Variants in PRKCE observed in about 807,000 individuals in gnomAD.
PRKCE encodes protein kinase C epsilon, also known as protein kinase C epsilon type.
A neutral mutation model predicts 85.4 loss-of-function variants in PRKCE; 16 were observed. That is an observed-to-expected ratio of 0.19 (90% CI 0.13 to 0.28). The LOEUF (loss-of-function observed/expected upper bound fraction) is 0.28. PRKCE is among the 10% of genes least tolerant of loss of function. PRKCE has a pLI of 1.00. For synonymous variants in PRKCE, 388 were observed against 371.5 expected (o/e 1.04, Z -0.51); for missense variants, 573 against 975.2 (o/e 0.59, Z 5.49).
At chr2:46,144,584 T>C (rs11690238) in intron 11 of PRKCE, among the ~76,000 whole-genome samples, 17,987 of 152,266 alleles carry the variant, frequency 0.12, 1,341 homozygotes, top group Non-Finnish European at 0.17. Context: ...CCTCACTGCC[T>C]GCACTAGCTG....
intron 1 of PRKCE, among the ~76,000 whole-genome samples, chr2:45,653,387 T>G (rs1251747192): frequency 6.9e-6 from 1 of 144,886 alleles, no homozygotes; most frequent in African/African-American, 2.5e-5. Context: ...TTTTTTTTTT[T>G]TTTTTTTTCT....
chr2:45,776,029 C>A (rs535647599), intron 1 of PRKCE, among the ~76,000 whole-genome samples: 1 of 152,310 alleles, frequency 6.6e-6, no homozygotes, highest in South Asian at 2.1e-4. Context: ...ACCCTGAATA[C>A]TCTACTTAAA....
chr2:45,747,009 A>G (rs1314910635), intron 1 of PRKCE, among the ~76,000 whole-genome samples: 1 of 152,172 alleles, frequency 6.6e-6, no homozygotes, highest in Non-Finnish European at 1.5e-5. Flanking sequence ...TGAACTGATG[A>G]CACGCTTCTC....
At chr2:45,869,708 T>TTTA (rs1693928188) in intron 2 of PRKCE, among the ~76,000 whole-genome samples, 1 of 92,632 alleles carries the variant, frequency 1.1e-5, no homozygotes, top group South Asian at 3.6e-4. Context: ...CTCTCTCTCT[T>TTTA]TTTTTTTTTT....
At chr2:45,805,865 C>T (rs967956970) in intron 1 of PRKCE, among the ~76,000 whole-genome samples, 2 of 152,204 alleles carry the variant, frequency 1.3e-5, no homozygotes, top group South Asian at 2.1e-4. Flanking sequence ...TCCCAAAGTG[C>T]TGGGATTACA....
intron 11 of PRKCE, among the ~76,000 whole-genome samples, chr2:46,089,756 A>T (rs139373921): frequency 6.6e-6 from 1 of 152,002 alleles, no homozygotes; most frequent in Non-Finnish European, 1.5e-5. Flanking sequence ...ATGGAGTTTT[A>T]TGCTTCTCAC....
intron 2 of PRKCE, among the ~76,000 whole-genome samples, chr2:45,949,426 G>T (rs200294379): frequency 2.3e-3 from 265 of 113,696 alleles, no homozygotes; most frequent in Non-Finnish European, 2.8e-3. Flanking sequence ...TTTGATTGTT[G>T]TTTTTTTTTT....
chr2:46,148,316 C>T lies in PRKCE; in HGVS notation c.1732-2725C>T, dbSNP rs574108761. On this transcript the variant is annotated intron_variant, in intron 12 of 14. Coordinates refer to ENST00000306156, the MANE Select transcript of PRKCE (RefSeq NM_005400.3). ...TTGCCCTTCTGCCCAGATCCACTGC[C>T]GACAGTTAATTAGGAAGCAGATAAT... 3.3e-5 allele frequency among the ~76,000 whole-genome samples: 5 copies of T among 152,300 alleles called. No individual in the cohort carries two copies. The East Asian group carries it at 5.8e-4, about 18-fold the overall frequency.
At chr2:45,783,435 C>T (rs893332515) in intron 1 of PRKCE, among the ~76,000 whole-genome samples, 3 of 152,138 alleles carry the variant, frequency 2.0e-5, no homozygotes, top group Non-Finnish European at 4.4e-5. Flanking sequence ...GGAAAAGCAC[C>T]ACTGGGTAAT....
chr2:45,743,959 G>A (rs373927511), intron 1 of PRKCE, among the ~76,000 whole-genome samples: 17 of 151,320 alleles, frequency 1.1e-4, no homozygotes, highest in South Asian at 4.2e-4. Flanking sequence ...CCTGCCTCCC[G>A]GGAGCTAAGT....
At chr2:45,830,795 G>A (rs1457016630) in intron 1 of PRKCE, among the ~76,000 whole-genome samples, 5 of 152,204 alleles carry the variant, frequency 3.3e-5, no homozygotes, top group Non-Finnish European at 5.9e-5. Context: ...TTAGAAGAAA[G>A]TTCTGATAGA....
chr2:45,684,258 A>G (rs1037562120), intron 1 of PRKCE, among the ~76,000 whole-genome samples: 2 of 152,210 alleles, frequency 1.3e-5, no homozygotes, highest in African/African-American at 4.8e-5. Flanking sequence ...TTGTATTTTG[A>G]ATCTAGACCT....
At chr2:45,814,835 G>T (rs1688915386) in intron 1 of PRKCE, among the ~76,000 whole-genome samples, 1 of 152,176 alleles carries the variant, frequency 6.6e-6, no homozygotes, top group African/African-American at 2.4e-5. Context: ...TAGCACCTTA[G>T]CCACAGGCTG....
At chr2:45,663,154 C>A (rs928623622) in intron 1 of PRKCE, among the ~76,000 whole-genome samples, 5 of 152,144 alleles carry the variant, frequency 3.3e-5, no homozygotes, top group African/African-American at 1.2e-4. Context: ...TATCGCAAAG[C>A]GAGTTGTACA....
intron 1 of PRKCE, among the ~76,000 whole-genome samples, chr2:45,793,683 A>T (rs1313200138): frequency 6.6e-6 from 1 of 152,146 alleles, no homozygotes; most frequent in African/African-American, 2.4e-5. Flanking sequence ...CACAGCCATG[A>T]TCAAGGCCAA....
intron 11 of PRKCE, among the ~76,000 whole-genome samples, chr2:46,095,380 C>A (rs564150033): frequency 5.3e-5 from 8 of 152,304 alleles, no homozygotes; most frequent in Admixed American, 4.6e-4. Context: ...CAGTACTATA[C>A]CCTCATGCCC....
intron 1 of PRKCE, among the ~76,000 whole-genome samples, chr2:45,673,427 G>A (rs1379131663): frequency 6.6e-6 from 1 of 152,138 alleles, no homozygotes; most frequent in Non-Finnish European, 1.5e-5. Context: ...GCAATTGAGC[G>A]AGCAGTGTTT....
In PRKCE at chr2:45,655,761, A is replaced by G. The variant is rs1675347258; in HGVS notation, c.348+3313A>G. On this transcript the variant is annotated intron_variant, in intron 1 of 14. Coordinates refer to ENST00000306156, the MANE Select transcript of PRKCE (RefSeq NM_005400.3). ...CAAAGTGGGAGGATTACTTGAGTCC[A>G]GGAGTTCAAGGCTGCAGTGTGCTAT... Among the ~76,000 whole-genome samples, 3 of 148,710 alleles carry G rather than the reference A, an allele frequency of 2.0e-5. No individual in the cohort carries two copies. In the Admixed American group the frequency reaches 2.0e-4, roughly 10 times the overall value.
intron 2 of PRKCE, among the ~76,000 whole-genome samples, chr2:45,863,822 G>A (rs1431294462): frequency 6.6e-6 from 1 of 152,018 alleles, no homozygotes; most frequent in African/African-American, 2.4e-5. Context: ...TGAGCTCTCA[G>A]GGTGGGAAGG....
Sources: gnomAD v4.1 joint callset for allele counts (sites outside exome capture counted in the v4.1 genomes callset) on GRCh38, gnomAD v4.1.1 for gene constraint, MANE v1.5 for transcripts, NCBI Gene and HGNC (gene_info 2026-07-23, HGNC 2026-07-21) for gene names.